Variants in PITPNC1 observed in about 807,000 individuals in gnomAD.
The protein encoded by PITPNC1 is phosphatidylinositol transfer protein cytoplasmic 1, also known as cytoplasmic phosphatidylinositol transfer protein 1.
A neutral mutation model predicts 44.7 loss-of-function variants in PITPNC1; 18 were observed. The ratio of observed to expected loss-of-function variants is 0.40; its 90% CI spans 0.28 to 0.60. PITPNC1 has a LOEUF of 0.60. Among genes scored for constraint, PITPNC1 ranks in the 20% least tolerant of loss-of-function variants. The pLI is 0.39. For synonymous variants in PITPNC1, 141 were observed against 149.6 expected (o/e 0.94, Z 0.42); for missense variants, 290 against 418.4 (o/e 0.69, Z 2.68).
At chr17:67,688,136 C>T (rs539918847) in intron 8 of PITPNC1, among the ~76,000 whole-genome samples, 3 of 150,372 alleles carry the variant, frequency 2.0e-5, no homozygotes, top group Admixed American at 6.6e-5. Flanking sequence ...GTCGGGGGTT[C>T]GAGACAAGCC....
At chr17:67,445,671 G>T (rs2039083627) in intron 1 of PITPNC1, among the ~76,000 whole-genome samples, 1 of 152,040 alleles carries the variant, frequency 6.6e-6, no homozygotes, top group East Asian at 1.9e-4. Flanking sequence ...TCCATACTCA[G>T]CCCTACCCCA....
At chr17:67,510,046 G>C (rs998933439) in intron 1 of PITPNC1, among the ~76,000 whole-genome samples, 4 of 152,180 alleles carry the variant, frequency 2.6e-5, no homozygotes, top group Non-Finnish European at 5.9e-5. Flanking sequence ...AAGATAGGAG[G>C]TTCCTCCTAT....
chr17:67,598,099 G>A (rs181120946), intron 5 of PITPNC1, among the ~76,000 whole-genome samples: 111 of 152,192 alleles, frequency 7.3e-4, no homozygotes, highest in African/African-American at 2.5e-3. Context: ...GTGCGTGCCC[G>A]TAATTCCAGC....
intron 1 of PITPNC1, chr17:67,525,483 G>A (rs1270799102): frequency 2.6e-5 from 4 of 152,242 alleles, no homozygotes; most frequent in African/African-American, 9.6e-5. Flanking sequence ...TAGAACATTT[G>A]TCCTAGGGCC....
In PITPNC1 at chr17:67,423,060, A is replaced by G. The variant is rs557199463; in HGVS notation, c.48+44858A>G. 3.3e-5 allele frequency among the ~76,000 whole-genome samples: 5 copies of G among 152,150 alleles called. No individual in the cohort carries two copies. The South Asian group carries it at 1.0e-3, about 32-fold the overall frequency. ...TGTGTTTTAATTGCATTACGGCTCA[A>G]CTGCTAACTGTTTTGATATGTTGAA... is the stretch of plus-strand genomic sequence containing the variant. On this transcript the variant is annotated intron_variant, in intron 1 of 8. Coordinates refer to ENST00000581322, the MANE Select transcript of PITPNC1 (RefSeq NM_012417.4).
Position 67,445,139 on chromosome 17 carries a change from G to C in PITPNC1, c.48+66937G>C, listed in dbSNP as rs932161174. Among the ~76,000 whole-genome samples the C allele has an allele frequency of 4.6e-5, 7 of 151,976 alleles. No homozygotes were observed. In the East Asian group the frequency reaches 9.6e-4, roughly 21 times the overall value. On this transcript the variant is annotated intron_variant, in intron 1 of 8. Coordinates refer to ENST00000581322, the MANE Select transcript of PITPNC1 (RefSeq NM_012417.4). ...ACAAAGTCTGTTTGGGCAGACAATG[G>C]TTTGTGACAAAAATCTTTCCAGGTG...
chr17:67,510,323 T>C (rs184261144), intron 1 of PITPNC1, among the ~76,000 whole-genome samples: 232 of 152,346 alleles, frequency 1.5e-3, no homozygotes, highest in Non-Finnish European at 2.9e-3. Flanking sequence ...GGCCACCATG[T>C]GGCCCACTTT....
intron 1 of PITPNC1, among the ~76,000 whole-genome samples, chr17:67,430,226 G>C (rs1281868115): frequency 2.6e-5 from 4 of 152,112 alleles, no homozygotes; most frequent in Non-Finnish European, 5.9e-5. Context: ...TAGAATGTTG[G>C]CTAGTGTGGT....
chr17:67,522,556 G>T (rs1276187032), intron 1 of PITPNC1, among the ~76,000 whole-genome samples: 1 of 151,660 alleles, frequency 6.6e-6, no homozygotes. Flanking sequence ...GTAATTGTTA[G>T]ATGGTTTCCT....
intron 6 of PITPNC1, among the ~76,000 whole-genome samples, chr17:67,654,651 G>T (rs1358831876): frequency 6.6e-6 from 1 of 151,816 alleles, no homozygotes; most frequent in Non-Finnish European, 1.5e-5. Context: ...GATTTTTTTT[G>T]AGATGGAATC....
At chr17:67,424,779 T>C (rs1390310280) in intron 1 of PITPNC1, among the ~76,000 whole-genome samples, 1 of 149,974 alleles carries the variant, frequency 6.7e-6, no homozygotes, top group African/African-American at 2.4e-5. Context: ...CGCTGCAACC[T>C]CCGCCTCCTA....
At position 67,522,659 on chromosome 17, in the gene PITPNC1, C is replaced by CT. The variant is rs773797594; in HGVS notation, c.49-10129dup. On this transcript the variant is annotated intron_variant, in intron 1 of 8. Coordinates refer to ENST00000581322, the MANE Select transcript of PITPNC1 (RefSeq NM_012417.4). ...ATATCATAAAATTTACCATTTTAATCTTTTTTTTTTTTTTGGAAAATGAGG... is the reference window on the plus strand; with the variant it reads ...ATATCATAAAATTTACCATTTTAATCTTTTTTTTTTTTTTTGGAAAATGAGG... 3.1e-3 allele frequency among the ~76,000 whole-genome samples: 366 copies of CT among 117,198 alleles called. 7 individuals carry two copies. The highest frequency in any genetic ancestry group is 4.3e-3 in the Non-Finnish European group (274 of 63,560). The allele number at this position is 117,198 out of a possible 152,430, so 76.9% of individuals were successfully genotyped here.
intron 7 of PITPNC1, among the ~76,000 whole-genome samples, chr17:67,670,776 A>G (rs777862911): frequency 6.6e-6 from 1 of 151,482 alleles, no homozygotes; most frequent in Non-Finnish European, 1.5e-5. Flanking sequence ...AAAAGGAAAT[A>G]ATAAGAATAA....
At chr17:67,425,548 G>T (rs1254988150) in intron 1 of PITPNC1, among the ~76,000 whole-genome samples, 2 of 145,586 alleles carry the variant, frequency 1.4e-5, no homozygotes, top group Non-Finnish European at 3.0e-5. Flanking sequence ...TAGAGACAGG[G>T]TCTTGCTCTG....
chr17:67,555,853 A>G (rs1190629495), intron 4 of PITPNC1, among the ~76,000 whole-genome samples: 4 of 152,096 alleles, frequency 2.6e-5, no homozygotes, highest in African/African-American at 9.7e-5. Flanking sequence ...CAAAAATAAA[A>G]AATTAAAAAA....
At position 67,562,261 on chromosome 17, in the gene PITPNC1, G is replaced by T. The variant is rs1253457139; in HGVS notation, c.294+8644G>T. ...ATGAATGAACAGAAGCCTCTGTGTA[G>T]GGTGCGGGCTGGTGAGGAGCAGCGG... On this transcript the variant is annotated intron_variant, in intron 4 of 8. Transcript: ENST00000581322. 4.6e-5 allele frequency among the ~76,000 whole-genome samples: 7 copies of T among 152,286 alleles called. No homozygotes were observed. The East Asian group carries it at 9.6e-4, about 21-fold the overall frequency.
At chr17:67,516,073 C>A (rs555626054) in intron 1 of PITPNC1, among the ~76,000 whole-genome samples, 1 of 152,226 alleles carries the variant, frequency 6.6e-6, no homozygotes, top group Non-Finnish European at 1.5e-5. Flanking sequence ...TGATTTTGTA[C>A]CCCTGGGTTA....
intron 5 of PITPNC1, among the ~76,000 whole-genome samples, chr17:67,592,172 A>G (rs1171590248): frequency 6.6e-6 from 1 of 152,204 alleles, no homozygotes; most frequent in Admixed American, 6.5e-5. Flanking sequence ...TTAAAATGAT[A>G]GCAAAATGAT....
At chr17:67,426,321 T>C (rs775365454) in intron 1 of PITPNC1, among the ~76,000 whole-genome samples, 14 of 152,180 alleles carry the variant, frequency 9.2e-5, no homozygotes, top group Non-Finnish European at 1.8e-4. Flanking sequence ...ATGTTTATTG[T>C]GGCACGATTT....
Sources: gnomAD v4.1 joint callset for allele counts (sites outside exome capture counted in the v4.1 genomes callset) on GRCh38, gnomAD v4.1.1 for gene constraint, MANE v1.5 for transcripts, NCBI Gene and HGNC (gene_info 2026-07-23, HGNC 2026-07-21) for gene names.